The following C4orf50 variants were observed in gnomAD, a reference collection of about 807,000 sequenced individuals.
The protein encoded by C4orf50 is chromosome 4 open reading frame 50.
Under a neutral mutation model 77.2 loss-of-function variants are expected in C4orf50, and 80 were observed. That is an observed-to-expected ratio of 1.04 (90% CI 0.87 to 1.25). The LOEUF is 1.25. C4orf50 is among the 50% of genes most tolerant of loss of function. C4orf50 has a pLI of 0.00. For missense variants in C4orf50, 1,257 were observed against 1,152.9 expected (o/e 1.09, Z -1.31); for synonymous variants, 532 against 465.3 (o/e 1.14, Z -1.84).
At chr4:6,004,164 G>T (rs1722060030) in intron 25 of C4orf50, among the ~76,000 whole-genome samples, 1 of 61,182 alleles carries the variant, frequency 1.6e-5, no homozygotes, top group Non-Finnish European at 3.1e-5. Context: ...GGTGATGATA[G>T]TGATGATGGT....
chr4:5,959,329 A>G, exon 34 of C4orf50: 1 of 1,577,460 alleles, frequency 6.3e-7, no homozygotes, highest in Non-Finnish European at 8.6e-7. Context: ...TCTGCTTCAA[A>G]TATTTATGGA....
At chr4:6,013,373 C>A (rs1397802902) in intron 23 of C4orf50, among the ~76,000 whole-genome samples, 3 of 152,112 alleles carry the variant, frequency 2.0e-5, no homozygotes, top group Non-Finnish European at 4.4e-5. Flanking sequence ...AAAACAAAAG[C>A]CTTTCTTTCT....
chr4:5,979,985 A>G (rs1300511813), intron 29 of C4orf50, among the ~76,000 whole-genome samples, 189 bp downstream of exon 7: 2 of 152,154 alleles, frequency 1.3e-5, no homozygotes, highest in East Asian at 3.8e-4. Context: ...TTTAACAGGG[A>G]AGCAATCATA....
chr4:5,950,127 A>T (rs1419560807), intron 7 of C4orf50, among the ~76,000 whole-genome samples: 1 of 152,238 alleles, frequency 6.6e-6, no homozygotes, highest in Admixed American at 6.5e-5. Flanking sequence ...ACCAACCTAT[A>T]CGTTCTGTAT....
intron 25 of C4orf50, among the ~76,000 whole-genome samples, chr4:6,004,307 G>GATGT (rs1722106399): frequency 3.2e-5 from 1 of 31,604 alleles, no homozygotes. Flanking sequence ...GGTGATGGTG[G>GATGT]TGATGATGTG....
chr4:5,978,571 T>G (rs1720407010), intron 29 of C4orf50, among the ~76,000 whole-genome samples: 1 of 152,188 alleles, frequency 6.6e-6, no homozygotes, highest in Non-Finnish European at 1.5e-5. Context: ...CAGTGACAGA[T>G]AAGAGAAAAA....
intron 7 of C4orf50, among the ~76,000 whole-genome samples, chr4:5,934,328 T>C (rs1236915449): frequency 6.6e-6 from 1 of 152,236 alleles, no homozygotes; most frequent in Non-Finnish European, 1.5e-5. Flanking sequence ...TCAGACAGCA[T>C]TGCCTGCAGA....
chr4:5,948,579 G>A (rs1039967323), intron 7 of C4orf50, among the ~76,000 whole-genome samples: 3 of 152,100 alleles, frequency 2.0e-5, no homozygotes, highest in South Asian at 2.1e-4. Context: ...GGCGGATCAC[G>A]AGGTCAGCAG....
Position 6,018,133 on chromosome 4 carries a change from T to G in C4orf50, c.287+12A>C. 2 of 398,678 alleles carry G rather than the reference T, an allele frequency of 5.0e-6. No homozygotes were observed. The highest frequency in any genetic ancestry group is 3.6e-5 in the East Asian group (1 of 28,066). 24.7% of individuals were successfully genotyped at this position (398,678 alleles called of 1,614,324 possible). ...TGAAATACACACAGAGAGATCAAAA[T>G]GGCATCGCTACCTGCTTCTCAGCCC... On this transcript the variant is annotated intron_variant, in intron 23 of 33. Transcript: ENST00000531445. This position sits in a 1 kb window ranked among gnomAD's most constrained non-coding sequence, Gnocchi z 5.1.
Position 5,986,723 on chromosome 4 carries a change from G to C in C4orf50, c.3699+1624C>G, listed in dbSNP as rs577592661. 5.3e-5 allele frequency among the ~76,000 whole-genome samples: 8 copies of C among 152,116 alleles called. No individual in the cohort carries two copies. The South Asian group carries it at 1.5e-3, about 28-fold the overall frequency. On this transcript the variant is annotated intron_variant, in intron 28 of 33. Coordinates refer to ENST00000531445, the Ensembl canonical transcript of C4orf50. ...CCAGCTAATTTTTGTATTTTTAGTA[G>C]AGATGGGGTTTCACCATATTGGCCA...
At chr4:5,966,625 T>C (rs1188093985) in intron 32 of C4orf50, among the ~76,000 whole-genome samples, 1 of 151,760 alleles carries the variant, frequency 6.6e-6, no homozygotes, top group Non-Finnish European at 1.5e-5. Context: ...AATTATACAG[T>C]TATAATTATA....
rs542163353 is a variant in C4orf50 at position 5,990,614 on chromosome 4, G to A, written c.1432C>T (p.Arg478Ter). The change falls in exon 28 of 34, where the codon CGA becomes TGA. Residue 478 changes from arginine (R) to a stop codon, truncating the protein, a stop_gained. Coordinates refer to ENST00000531445, the Ensembl canonical transcript of C4orf50. LOFTEE classifies it high-confidence loss of function. ...GGAACCTCCTGGAGCAGCAGTGGTCGCCAAGAAGCGGAGTCCCCAGCCGGC... is the reference window on the plus strand; with the variant it reads ...GGAACCTCCTGGAGCAGCAGTGGTCACCAAGAAGCGGAGTCCCCAGCCGGC... 3.5e-4 allele frequency: 141 copies of A among 399,126 alleles called. 1 individual carries two copies. In the East Asian group the frequency reaches 3.8e-3, roughly 11 times the overall value. 24.7% of individuals were successfully genotyped at this position (399,126 alleles called of 1,614,324 possible).
intron 32 of C4orf50, among the ~76,000 whole-genome samples, 172 bp from the exon 11 acceptor site, chr4:5,965,317 C>T (rs1247975997): frequency 6.6e-6 from 1 of 152,238 alleles, no homozygotes; most frequent in Non-Finnish European, 1.5e-5. Context: ...CTCCAAGGAC[C>T]TCACCCATAC....
exon 28 of C4orf50, chr4:5,988,557 T>C: frequency 1.3e-6 from 2 of 1,537,018 alleles, no homozygotes; most frequent in Non-Finnish European, 1.7e-6. Context: ...TGGAAGGTCC[T>C]GTCTGCCCTG....
intron 7 of C4orf50, among the ~76,000 whole-genome samples, chr4:5,931,412 T>C (rs1005640616): frequency 2.0e-5 from 3 of 152,216 alleles, no homozygotes; most frequent in Admixed American, 6.5e-5. Context: ...GCAAAAACTT[T>C]TCACTGTCAG....
intron 31 of C4orf50, 82 bp from the exon 10 acceptor site, chr4:5,967,544 C>A: frequency 7.8e-7 from 1 of 1,286,882 alleles, no homozygotes; most frequent in Non-Finnish European, 1.1e-6. Flanking sequence ...TTGGACCAAG[C>A]AGGGCCATCA....
chr4:5,983,433 T>C (rs574324181), intron 28 of C4orf50, among the ~76,000 whole-genome samples: 2 of 152,344 alleles, frequency 1.3e-5, no homozygotes, highest in East Asian at 1.9e-4. Context: ...GCCTCTGTCC[T>C]GCCTCAAGGC....
chr4:5,986,900 T>C (rs1482269488), intron 28 of C4orf50, among the ~76,000 whole-genome samples: 2 of 152,166 alleles, frequency 1.3e-5, no homozygotes, highest in Non-Finnish European at 2.9e-5. Context: ...TCCTGGCACA[T>C]AGTAGATAGG....
chr4:5,926,499 G>A (rs181262568), intron 7 of C4orf50, among the ~76,000 whole-genome samples: 14 of 152,270 alleles, frequency 9.2e-5, no homozygotes, highest in African/African-American at 3.1e-4. Flanking sequence ...TTTTTAGGAC[G>A]ATGAAAACGT....
Sources: gnomAD v4.1 joint callset for allele counts (sites outside exome capture counted in the v4.1 genomes callset) on GRCh38, gnomAD v4.1.1 for gene constraint, Gnocchi (gnomAD v3.1) non-coding constraint, MANE v1.5 for transcripts, NCBI Gene and HGNC (gene_info 2026-07-23, HGNC 2026-07-21) for gene names.